Variants in ERO1B observed in about 807,000 individuals in gnomAD.
ERO1B encodes ERO1-like protein beta.
In ERO1B, 49 loss-of-function variants were observed where a neutral mutation model predicts 75.3. The ratio of observed to expected loss-of-function variants is 0.65; its 90% CI spans 0.52 to 0.83. ERO1B has a LOEUF of 0.83. Among genes scored for constraint, ERO1B ranks in the 40% least tolerant of loss-of-function variants. The pLI is 0.00. For missense variants in ERO1B, 512 were observed against 560.1 expected (o/e 0.91, Z 0.87); for synonymous variants, 191 against 192.9 (o/e 0.99, Z 0.08).
In ERO1B at chr1:236,251,632, C is replaced by A. The variant is rs185365805; in HGVS notation, c.348+418G>T. On this transcript the variant is annotated intron_variant, in intron 4 of 15. Coordinates refer to ENST00000354619, the MANE Select transcript of ERO1B (RefSeq NM_019891.4). ...AAAATATAATACTCTCATAAAAGGA[C>A]AAGAACAATAATTAAAAATGAATAT... Among the ~76,000 whole-genome samples, 86 of 152,140 alleles carry A rather than the reference C, an allele frequency of 5.7e-4. No homozygotes were observed. The East Asian group carries it at 0.013, about 23-fold the overall frequency.
intron 6 of ERO1B, among the ~76,000 whole-genome samples, chr1:236,241,238 AC>A (rs1664691461): frequency 6.6e-6 from 1 of 152,122 alleles, no homozygotes; most frequent in South Asian, 2.1e-4. Flanking sequence ...AGCTACCCTG[AC>A]AGTAATTTTA....
At chr1:236,246,149 A>G (rs985742064) in intron 5 of ERO1B, among the ~76,000 whole-genome samples, 12 of 152,148 alleles carry the variant, frequency 7.9e-5, no homozygotes, top group Non-Finnish European at 1.6e-4. Context: ...AAAAATATAC[A>G]TATGTATGTA....
intron 1 of ERO1B, among the ~76,000 whole-genome samples, chr1:236,276,257 A>G (rs1236309871): frequency 6.6e-6 from 1 of 152,248 alleles, no homozygotes; most frequent in Non-Finnish European, 1.5e-5. Flanking sequence ...AGTTGGATAC[A>G]TAGATCTAAA....
At chr1:236,262,145 A>G (rs1665306737) in intron 2 of ERO1B, among the ~76,000 whole-genome samples, 1 of 152,236 alleles carries the variant, frequency 6.6e-6, no homozygotes, top group Non-Finnish European at 1.5e-5. Context: ...ACATCAACCA[A>G]TGGAACAAGT....
At chr1:236,262,766 T>C (rs1366132433) in intron 2 of ERO1B, among the ~76,000 whole-genome samples, 1 of 152,118 alleles carries the variant, frequency 6.6e-6, no homozygotes, top group Non-Finnish European at 1.5e-5. Context: ...AAATACATGG[T>C]GCAACGAGTG....
At chr1:236,281,515 C>T (rs971411592) in intron 1 of ERO1B, 167 bp downstream of exon 1, 7 of 434,788 alleles carry the variant, frequency 1.6e-5, no homozygotes, top group Non-Finnish European at 2.7e-5. Context: ...CAGATGTTTC[C>T]CGCACTGGAC....
chr1:236,221,975 A>T lies in ERO1B; in HGVS notation c.1158T>A (p.Arg386=). 6.2e-7 allele frequency: 1 copy of T among 1,613,786 alleles called. No homozygotes were observed. The highest frequency in any genetic ancestry group is 1.1e-5 in the South Asian group (1 of 91,080). The change falls in exon 14 of 16, where the codon CGT becomes CGA. Residue 386 remains arginine (R), a synonymous_variant. Transcript: ENST00000354619. ...EFRLHFKNIS[R]IMDCVGCDKC... is the part of the protein sequence containing the mutation. ...TGTCACATCCAACACAGTCCATTATACGGGAGATATTCTTGAAATGTAATC... is the reference window on the plus strand; with the variant it reads ...TGTCACATCCAACACAGTCCATTATTCGGGAGATATTCTTGAAATGTAATC...
intron 2 of ERO1B, among the ~76,000 whole-genome samples, chr1:236,265,753 C>G (rs1665420619): frequency 6.6e-6 from 1 of 152,164 alleles, no homozygotes. Flanking sequence ...ATTTCCAACT[C>G]TCCCTCTCGT....
chr1:236,228,550 C>A (rs1009555291), intron 10 of ERO1B, among the ~76,000 whole-genome samples: 2 of 152,204 alleles, frequency 1.3e-5, no homozygotes, highest in Non-Finnish European at 2.9e-5. Context: ...CAACATAGAG[C>A]AATTCAATTA....
At chr1:236,219,682 G>A (rs1664087378) in intron 15 of ERO1B, among the ~76,000 whole-genome samples, 1 of 151,964 alleles carries the variant, frequency 6.6e-6, no homozygotes, top group Non-Finnish European at 1.5e-5. Flanking sequence ...AACCTACATA[G>A]TCATCTTTAA....
chr1:236,236,341 G>T lies in ERO1B; in HGVS notation c.563C>A (p.Thr188Asn). The T allele has an allele frequency of 1.2e-6, 2 of 1,613,822 alleles. No individual in the cohort carries two copies. Among genetic ancestry groups the T allele is most frequent in the Non-Finnish European group, 1.7e-6 (2 of 1,179,956 alleles). Residue 188 changes from threonine (T) to asparagine (N), a missense_variant, in exon 7 of 16, where the codon ACT (threonine) becomes AAT (asparagine). Physicochemically the swap from Thr to Asn is moderately conservative, Grantham distance 65. Coordinates refer to ENST00000354619, the MANE Select transcript of ERO1B (RefSeq NM_019891.4). ...VDLLLNPERY[T>N]GYKGTSAWRV... The stretch of plus-strand genomic sequence containing the variant: ...CCATGCAGAGGTCCCTTTATAGCCA[G>T]TGTAACGCTCTGGGTTCAGCAATAG...
At chr1:236,277,936 G>T (rs552919151) in intron 1 of ERO1B, among the ~76,000 whole-genome samples, 1 of 151,660 alleles carries the variant, frequency 6.6e-6, no homozygotes, top group Non-Finnish European at 1.5e-5. Context: ...CTTTTTATTT[G>T]AACACATTAA....
At chr1:236,222,191 C>A (rs541377336) in intron 13 of ERO1B, among the ~76,000 whole-genome samples, 181 bp from the exon 14 acceptor site, 63 of 152,284 alleles carry the variant, frequency 4.1e-4, no homozygotes, top group African/African-American at 1.3e-3. Context: ...CTTAGTGCAA[C>A]CTCCACCTCC....
chr1:236,252,091 T>C lies in ERO1B; in HGVS notation c.307A>G (p.Ser103Gly). The change falls in exon 4 of 16, where the codon AGT (serine) becomes GGT (glycine). Residue 103 changes from serine (S) to glycine (G), a missense_variant and splice_region_variant. Coordinates refer to ENST00000354619, the MANE Select transcript of ERO1B (RefSeq NM_019891.4). ...GCTTTTATTCCAACCGGAATTTTAC[T>C]CTTAAAAAAACAAGAAAAGCAAAAA... The part of the protein sequence containing the change: ...KDCHVEPCPE[S>G]KIPVGIKAGH... 1 of 1,597,634 alleles carries C rather than the reference T, an allele frequency of 6.3e-7. No individual in the cohort carries two copies. The highest frequency in any genetic ancestry group is 8.5e-7 in the Non-Finnish European group (1 of 1,169,652).
At chr1:236,256,749 A>G (rs1439792380) in intron 2 of ERO1B, among the ~76,000 whole-genome samples, 1 of 152,150 alleles carries the variant, frequency 6.6e-6, no homozygotes, top group Non-Finnish European at 1.5e-5. Flanking sequence ...ATTTTTGAAC[A>G]CATCAAGAAC....
chr1:236,225,016 A>G, intron 13 of ERO1B, 54 bp downstream of exon 13: 1 of 1,505,436 alleles, frequency 6.6e-7, no homozygotes, highest in Non-Finnish European at 9.3e-7. Flanking sequence ...CACAGCATTA[A>G]AGCATAACCA....
chr1:236,256,472 AT>A (rs1665162997), intron 2 of ERO1B, among the ~76,000 whole-genome samples: 1 of 152,120 alleles, frequency 6.6e-6, no homozygotes, highest in Non-Finnish European at 1.5e-5. Context: ...AGCACTTCTC[AT>A]GCCTTCTGCC....
chr1:236,227,577 G>C (rs575903391), intron 10 of ERO1B, among the ~76,000 whole-genome samples: 4 of 152,124 alleles, frequency 2.6e-5, no homozygotes, highest in African/African-American at 9.7e-5. Flanking sequence ...TGGATACACG[G>C]CCATGAGCTT....
rs779485470 is a variant in ERO1B at position 236,220,935 on chromosome 1, A to G, written c.1240T>C (p.Leu414=). ...TTTTGGATTTCTTTTTCAGAGAATA[A>G]TATCTTCAGGGCAGTTCCTAAACCC... is the stretch of plus-strand genomic sequence containing the variant. ...TQGLGTALKI[L]FSEKEIQKLP... Residue 414 remains leucine, a synonymous_variant, in exon 15 of 16, where the codon TTA becomes CTA. Transcript: ENST00000354619. 2 of 1,602,432 alleles carry G rather than the reference A, an allele frequency of 1.2e-6. No homozygotes were observed. Among genetic ancestry groups the G allele is most frequent in the Non-Finnish European group, 1.7e-6 (2 of 1,174,992 alleles).
Sources: gnomAD v4.1 joint callset for allele counts (sites outside exome capture counted in the v4.1 genomes callset) on GRCh38, gnomAD v4.1.1 for gene constraint, MANE v1.5 for transcripts, NCBI Gene and HGNC (gene_info 2026-07-23, HGNC 2026-07-21) for gene names.